STPG2: variants seen among roughly 807,000 people sequenced by gnomAD.
STPG2 encodes the protein sperm tail PG-rich repeat containing 2.
Under a neutral mutation model 54.2 loss-of-function variants are expected in STPG2, and 56 were observed. The observed-to-expected ratio is 1.03, with a 90% CI of 0.83 to 1.29. The LOEUF (loss-of-function observed/expected upper bound fraction) is 1.29, where lower values mean the gene tolerates loss of function less well. Ranked by LOEUF, STPG2 falls within the 50% of genes most tolerant of loss-of-function variation. The probability of loss-of-function intolerance (pLI) is 0.00; values close to 1 mark genes in which losing one functional copy is unlikely to be tolerated. For missense variants in STPG2, 596 were observed against 544.9 expected, an observed-to-expected ratio of 1.09 and a Z score of -0.93; for synonymous variants, 200 against 181.8, an observed-to-expected ratio of 1.10 and a Z score of -0.81.
rs566884531 is a variant in STPG2 at position 98,042,417 on chromosome 4, G to T, written c.613-61099C>A. On this transcript the variant is annotated intron_variant, in intron 5 of 10. Transcript: ENST00000295268. ...TCTAGACTCATAAGGTGTAACAGTA[G>T]GTTACTAATTTGTGGTGTTTCTTTT... 2.6e-5 allele frequency among the ~76,000 whole-genome samples: 4 copies of T among 151,738 alleles called. No individual in the cohort carries two copies. The East Asian group carries it at 7.8e-4, about 29-fold the overall frequency.
chr4:97,465,940 T>G (rs891194966), intron 4 of STPG2, among the ~76,000 whole-genome samples: 3 of 152,082 alleles, frequency 2.0e-5, no homozygotes, highest in Admixed American at 6.5e-5. Context: ...TATTCTTCCT[T>G]ACAGTGGTTT....
chr4:98,042,920 T>C (rs769723267), intron 5 of STPG2, among the ~76,000 whole-genome samples: 4 of 151,960 alleles, frequency 2.6e-5, no homozygotes, highest in African/African-American at 4.8e-5. Context: ...ATTATCAAAT[T>C]GTAAGAAGGG....
intron 9 of STPG2, among the ~76,000 whole-genome samples, chr4:97,778,504 G>T (rs562697167): frequency 5.6e-4 from 86 of 152,260 alleles, no homozygotes; most frequent in African/African-American, 2.0e-3. Context: ...CCACCTCTAC[G>T]GGCAGGGCAT....
chr4:97,454,373 C>T lies in STPG2; in HGVS notation c.462+258326G>A, dbSNP rs529796081. Among the ~76,000 whole-genome samples, 278 of 149,730 alleles carry T rather than the reference C, an allele frequency of 1.9e-3. 1 individual carries two copies. Among genetic ancestry groups the T allele is most frequent in the African/African-American group, 6.4e-3 (264 of 41,070 alleles). ...CTAAAAATACAAAAAATTAGCCGGGCGCGGTGGCGGGCGCCTGTAGTCCCA... is the reference window on the plus strand; with the variant it reads ...CTAAAAATACAAAAAATTAGCCGGGTGCGGTGGCGGGCGCCTGTAGTCCCA... On this transcript the variant is annotated intron_variant, in intron 4 of 4. Coordinates refer to the STPG2 transcript ENST00000522676.
At chr4:97,794,887 A>G (rs1727116115) in intron 9 of STPG2, among the ~76,000 whole-genome samples, 1 of 152,198 alleles carries the variant, frequency 6.6e-6, no homozygotes, top group Non-Finnish European at 1.5e-5. Context: ...ACAGTGCACT[A>G]CATGGAAATG....
At chr4:97,787,012 T>C (rs1369500988) in intron 9 of STPG2, among the ~76,000 whole-genome samples, 2 of 152,156 alleles carry the variant, frequency 1.3e-5, no homozygotes, top group African/African-American at 4.8e-5. Flanking sequence ...TTTTGGAACG[T>C]ATCTTCCTGG....
At chr4:98,119,418 A>G (rs781356606) in intron 3 of STPG2, among the ~76,000 whole-genome samples, 2 of 152,132 alleles carry the variant, frequency 1.3e-5, no homozygotes, top group Non-Finnish European at 2.9e-5. Context: ...ATACTGAAGA[A>G]CTGTTCCAAA....
chr4:97,635,622 C>G (rs1721488174), intron 10 of STPG2, among the ~76,000 whole-genome samples: 1 of 151,916 alleles, frequency 6.6e-6, no homozygotes, highest in Non-Finnish European at 1.5e-5. Context: ...CACATATAGG[C>G]TCAAAATAAA....
chr4:97,525,454 C>G (rs970327394), intron 4 of STPG2, among the ~76,000 whole-genome samples: 3 of 151,760 alleles, frequency 2.0e-5, no homozygotes, highest in African/African-American at 4.8e-5. Context: ...AACTGTAAAC[C>G]AAAGGCTATT....
chr4:97,838,727 T>C (rs1728706431), intron 9 of STPG2, among the ~76,000 whole-genome samples: 1 of 151,516 alleles, frequency 6.6e-6, no homozygotes, highest in South Asian at 2.1e-4. Flanking sequence ...AGCAAAATTT[T>C]GGATGGTATA....
chr4:97,877,617 G>T lies in STPG2; in HGVS notation c.1045-36685C>A, dbSNP rs1730226019. Reference sequence around the variant, plus strand: ...TCAAGAGACTTATTCACTACCATGAGAACAGTGTGGGGAAACTGCCCCCAT... The same window carrying T: ...TCAAGAGACTTATTCACTACCATGATAACAGTGTGGGGAAACTGCCCCCAT... On this transcript the variant is annotated intron_variant, in intron 8 of 10. Transcript: ENST00000295268. Among the ~76,000 whole-genome samples, 7 of 152,118 alleles carry T rather than the reference G, an allele frequency of 4.6e-5. No homozygotes were observed. The South Asian group carries it at 1.5e-3, about 32-fold the overall frequency.
chr4:97,677,577 A>G (rs1427529664), intron 10 of STPG2, among the ~76,000 whole-genome samples: 1 of 152,242 alleles, frequency 6.6e-6, no homozygotes, highest in African/African-American at 2.4e-5. Context: ...ATTAGCAAGT[A>G]AAGAAAATCA....
At chr4:97,945,655 G>C (rs1578718821) in intron 7 of STPG2, among the ~76,000 whole-genome samples, 2 of 152,098 alleles carry the variant, frequency 1.3e-5, no homozygotes, top group East Asian at 3.9e-4. Flanking sequence ...CACAGAGATT[G>C]TACTAACTTA....
chr4:97,827,278 C>G (rs946123987), intron 9 of STPG2, among the ~76,000 whole-genome samples: 1 of 150,802 alleles, frequency 6.6e-6, no homozygotes, highest in East Asian at 1.9e-4. Flanking sequence ...CTCTGTCACC[C>G]AGGCTGGAGT....
At chr4:98,015,819 A>G (rs1036183775) in intron 5 of STPG2, among the ~76,000 whole-genome samples, 2 of 152,190 alleles carry the variant, frequency 1.3e-5, no homozygotes, top group African/African-American at 4.8e-5. Context: ...AATGTCCATC[A>G]ATGACAAACT....
At chr4:97,642,891 A>G (rs1217831719) in intron 10 of STPG2, among the ~76,000 whole-genome samples, 1 of 151,590 alleles carries the variant, frequency 6.6e-6, no homozygotes, top group Non-Finnish European at 1.5e-5. Flanking sequence ...TAAGCCTTAG[A>G]GAACAATTGC....
intron 9 of STPG2, among the ~76,000 whole-genome samples, chr4:97,715,797 G>A (rs1724265978): frequency 1.3e-5 from 2 of 152,076 alleles, no homozygotes; most frequent in African/African-American, 2.4e-5. Flanking sequence ...AAGACTTCAT[G>A]ACTAAAACAC....
intron 9 of STPG2, among the ~76,000 whole-genome samples, chr4:97,732,149 A>T (rs913107282): frequency 6.6e-6 from 1 of 152,170 alleles, no homozygotes; most frequent in African/African-American, 2.4e-5. Context: ...GCCTCAAGGG[A>T]CAGGCACCTA....
At chr4:97,818,580 T>G (rs1439280840) in intron 9 of STPG2, among the ~76,000 whole-genome samples, 1 of 151,994 alleles carries the variant, frequency 6.6e-6, no homozygotes, top group East Asian at 1.9e-4. Flanking sequence ...TTTCAATTTT[T>G]CTTGGCACTT....
Sources: allele counts gnomAD v4.1 joint callset (sites outside exome capture counted in the v4.1 genomes callset), GRCh38; gene constraint gnomAD v4.1.1; transcripts MANE v1.5; gene names NCBI Gene and HGNC (gene_info 2026-07-23, HGNC 2026-07-21).